The following SEC24A variants were observed in gnomAD, a reference collection of about 807,000 sequenced individuals.
SEC24A encodes the protein protein transport protein Sec24A.
Under a neutral mutation model 129.4 loss-of-function variants are expected in SEC24A, and 93 were observed. The observed-to-expected ratio is 0.72, with a 90% CI of 0.61 to 0.85. The LOEUF is 0.85. Ranked by LOEUF, SEC24A falls within the 40% of genes least tolerant of loss-of-function variation. SEC24A has a pLI of 0.00. For synonymous variants in SEC24A, 460 were observed against 467.3 expected, an observed-to-expected ratio of 0.98 and a Z score of 0.20; for missense variants, 1,264 against 1,307.4, an observed-to-expected ratio of 0.97 and a Z score of 0.51.
intron 1 of SEC24A, among the ~76,000 whole-genome samples, chr5:134,656,846 A>G (rs1301758774): frequency 6.7e-6 from 1 of 150,340 alleles, no homozygotes; most frequent in Non-Finnish European, 1.5e-5. Flanking sequence ...CAATGATGCA[A>G]TGATAGCTCA....
Position 134,716,737 on chromosome 5 carries a change from G to T in SEC24A, c.2866-1332G>T, listed in dbSNP as rs187224037. Among the ~76,000 whole-genome samples the T allele has an allele frequency of 1.6e-3, 231 of 147,226 alleles. 5 individuals are homozygous for T. The highest frequency in any genetic ancestry group is 0.013 in the Admixed American group (191 of 14,632). On this transcript the variant is annotated intron_variant, in intron 19 of 22. Coordinates refer to ENST00000398844, the MANE Select transcript of SEC24A (RefSeq NM_021982.3). Reference sequence around the variant, plus strand: ...CACTTGAATCCAGGAGGCAAAGGTCGCAGTGAGCTGAGATCATGCCATTGC... The same window carrying T: ...CACTTGAATCCAGGAGGCAAAGGTCTCAGTGAGCTGAGATCATGCCATTGC...
intron 3 of SEC24A, among the ~76,000 whole-genome samples, chr5:134,671,564 G>T (rs1750863368): frequency 6.6e-6 from 1 of 152,036 alleles, no homozygotes; most frequent in Non-Finnish European, 1.5e-5. Flanking sequence ...CTTTGGCTTA[G>T]GTACAATGTA....
rs1752551219 is a variant in SEC24A at position 134,718,838 on chromosome 5, G to A, written c.2970+665G>A. ...CAAAGAAATTAACCGAGCGTGGTGG[G>A]GCATGCCTGTAATCCTAACTACTTG... On this transcript the variant is annotated intron_variant, in intron 20 of 22. Coordinates refer to ENST00000398844, the MANE Select transcript of SEC24A (RefSeq NM_021982.3). 6.6e-5 allele frequency among the ~76,000 whole-genome samples: 10 copies of A among 151,654 alleles called. No individual in the cohort carries two copies. In the South Asian group the frequency reaches 2.1e-3, roughly 32 times the overall value.
In SEC24A at chr5:134,648,898, G is replaced by T; in HGVS notation, c.-179G>T. 2.1e-6 allele frequency: 1 copy of T among 477,578 alleles called. No individual in the cohort carries two copies. The allele number at this position is 477,578 out of a possible 1,614,324, so 29.6% of individuals were successfully genotyped here. On this transcript the variant is annotated 5_prime_UTR_variant, in exon 1 of 23. Transcript: ENST00000398844. ...GCCTCAGCTCCCAGGCTAGGCTGTG[G>T]CCGCCGGTGGCCTGGGGAGAGTGCG...
chr5:134,661,980 C>T (rs532333136), intron 2 of SEC24A, among the ~76,000 whole-genome samples: 2 of 151,588 alleles, frequency 1.3e-5, no homozygotes, highest in Admixed American at 6.6e-5. Flanking sequence ...CAGGCACGTG[C>T]CACTGCACCC....
chr5:134,695,306 C>T (rs1357985003), intron 13 of SEC24A, among the ~76,000 whole-genome samples: 2 of 151,862 alleles, frequency 1.3e-5, no homozygotes, highest in Non-Finnish European at 2.9e-5. Context: ...CAGGAGGCTG[C>T]AGTGAGATCG....
At chr5:134,661,008 A>C (rs1453342402) in intron 1 of SEC24A, 111 bp from the exon 2 acceptor site, 12 of 791,706 alleles carry the variant, frequency 1.5e-5, no homozygotes, top group Non-Finnish European at 2.5e-5. Context: ...CTTATTTTTT[A>C]ATTGAGTTAT....
chr5:134,710,402 T>A (rs961904063), intron 18 of SEC24A, among the ~76,000 whole-genome samples: 6 of 152,050 alleles, frequency 3.9e-5, no homozygotes, highest in Admixed American at 6.6e-5. Context: ...CCAGCTAATT[T>A]TTGTATTTTT....
At position 134,679,726 on chromosome 5, in the gene SEC24A, A is replaced by G. The variant is rs1384880756; in HGVS notation, c.1379A>G (p.Asp460Gly). Reference protein sequence around the residue: ...WKCNLCYRVNDVPEEFLYNPL... With the variant: ...WKCNLCYRVNGVPEEFLYNPL... ...TGTAACTTATGTTATCGAGTCAATG[A>G]TGGTATGGGATGCTTTTTTGAAACA... Residue 460 changes from aspartate (D) to glycine (G), a missense_variant and splice_region_variant, in exon 8 of 23, where the codon GAT (aspartate) becomes GGT (glycine). Asp to Gly is a moderately conservative substitution (Grantham distance 94). Transcript: ENST00000398844. 3.2e-6 allele frequency: 5 copies of G among 1,568,978 alleles called. No individual in the cohort carries two copies. The highest frequency in any genetic ancestry group is 4.3e-6 in the Non-Finnish European group (5 of 1,151,400).
chr5:134,717,331 C>T (rs931610580), intron 19 of SEC24A, among the ~76,000 whole-genome samples: 70 of 151,552 alleles, frequency 4.6e-4, no homozygotes, highest in African/African-American at 1.5e-3. Context: ...CATGGTGAAA[C>T]CCCTTCTCTA....
At chr5:134,674,316 T>C (rs1750975616) in intron 4 of SEC24A, among the ~76,000 whole-genome samples, 1 of 152,084 alleles carries the variant, frequency 6.6e-6, no homozygotes, top group Admixed American at 6.6e-5. Flanking sequence ...GGGCCAGGCA[T>C]GGTGGCCTAC....
intron 13 of SEC24A, among the ~76,000 whole-genome samples, chr5:134,696,799 T>G (rs113797103): frequency 4.4e-5 from 6 of 135,062 alleles, no homozygotes; most frequent in Admixed American, 1.5e-4. Flanking sequence ...CACCCGGCCA[T>G]TTTTTTTTTT....
Position 134,679,739 on chromosome 5 carries a change from C to CT in SEC24A, c.1381+17dup. On this transcript the variant is annotated intron_variant, in intron 8 of 22. Coordinates refer to ENST00000398844, the MANE Select transcript of SEC24A (RefSeq NM_021982.3). ...ATCGAGTCAATGATGGTATGGGATGCTTTTTTGAAACATTTAAACGTTTCT... is the reference window on the plus strand; with the variant it reads ...ATCGAGTCAATGATGGTATGGGATGCTTTTTTTGAAACATTTAAACGTTTCT... 2 of 1,548,386 alleles carry CT rather than the reference C, an allele frequency of 1.3e-6. No homozygotes were observed. Among genetic ancestry groups the CT allele is most frequent in the Middle Eastern group, 1.7e-4 (1 of 5,744 alleles).
intron 9 of SEC24A, among the ~76,000 whole-genome samples, chr5:134,684,233 T>C (rs1260240939): frequency 1.4e-5 from 2 of 146,198 alleles, no homozygotes; most frequent in Non-Finnish European, 3.0e-5. Context: ...AAACCGAAAG[T>C]CAGAGGTTGC....
rs147434547 is a variant in SEC24A at position 134,681,078 on chromosome 5, G to A, written c.1382-1295G>A. On this transcript the variant is annotated intron_variant, in intron 8 of 22. Coordinates refer to ENST00000398844, the MANE Select transcript of SEC24A (RefSeq NM_021982.3). ...CGAGTCATTGCACTCCAGCCTGGGCGACAGAGCGAGACTCTGTCTCAAAAA... is the reference window on the plus strand; with the variant it reads ...CGAGTCATTGCACTCCAGCCTGGGCAACAGAGCGAGACTCTGTCTCAAAAA... Among the ~76,000 whole-genome samples, 1,273 of 142,588 alleles carry A rather than the reference G, an allele frequency of 8.9e-3. 21 individuals are homozygous for A. The highest frequency in any genetic ancestry group is 0.029 in the African/African-American group (1,147 of 38,884). 93.5% of individuals were successfully genotyped at this position (142,588 alleles called of 152,430 possible). A position where few individuals can be genotyped will look rare whatever the true frequency, so the allele number is the denominator to read the frequency against.
In SEC24A at chr5:134,709,707, T is replaced by C. The variant is rs151188009; in HGVS notation, c.2727+819T>C. On this transcript the variant is annotated intron_variant, in intron 18 of 22. Transcript: ENST00000398844. ...TATTTGAGGTTATGGATATGTTACC[T>C]AGCTTCATTAAATCATTCCACATTG... Among the ~76,000 whole-genome samples the C allele has an allele frequency of 5.4e-3, 821 of 152,316 alleles. 10 individuals are homozygous for C. The highest frequency in any genetic ancestry group is 4.9e-3 in the Non-Finnish European group (331 of 68,036).
intron 11 of SEC24A, among the ~76,000 whole-genome samples, chr5:134,690,171 A>C (rs937116331): frequency 4.6e-5 from 7 of 152,190 alleles, no homozygotes; most frequent in African/African-American, 7.2e-5. Context: ...GGTGCGTGCC[A>C]CCACGCCCAG....
chr5:134,671,391 AT>A (rs1554137917), intron 3 of SEC24A, among the ~76,000 whole-genome samples: 4 of 151,782 alleles, frequency 2.6e-5, no homozygotes, highest in Admixed American at 2.0e-4. Context: ...GATTTTGATA[AT>A]TTTTTTTCAT....
chr5:134,652,611 C>T (rs1421457940), intron 1 of SEC24A, among the ~76,000 whole-genome samples: 1 of 150,062 alleles, frequency 6.7e-6, no homozygotes, highest in East Asian at 2.0e-4. Context: ...GTTTTTGAGA[C>T]GGAGTCTTGC....
Sources: allele counts gnomAD v4.1 joint callset (sites outside exome capture counted in the v4.1 genomes callset), GRCh38; gene constraint gnomAD v4.1.1; transcripts MANE v1.5; gene names NCBI Gene and HGNC (gene_info 2026-07-23, HGNC 2026-07-21).